Variants in SLIT1 observed in about 807,000 individuals in gnomAD.
SLIT1 encodes slit guidance ligand 1, also known as slit homolog 1 protein.
A neutral mutation model predicts 186.1 loss-of-function variants in SLIT1; 66 were observed. The observed-to-expected ratio is 0.35, with a 90% confidence interval of 0.29 to 0.44. The LOEUF is 0.44. Ranked by LOEUF, SLIT1 falls within the 20% of genes least tolerant of loss-of-function variation. The pLI is 1.00. For missense variants in SLIT1, 1,638 were observed against 2,037.4 expected (o/e 0.80, Z 3.77); for synonymous variants, 761 against 833.8 (o/e 0.91, Z 1.50).
chr10:97,093,975 GA>G (rs1849260056), intron 4 of SLIT1, among the ~76,000 whole-genome samples: 1 of 152,232 alleles, frequency 6.6e-6, no homozygotes, highest in African/African-American at 2.4e-5. Context: ...AGAAATGGCT[GA>G]AATGTGAGTG....
intron 4 of SLIT1, among the ~76,000 whole-genome samples, chr10:97,143,709 C>T (rs930940479): frequency 6.6e-6 from 1 of 152,130 alleles, no homozygotes; most frequent in African/African-American, 2.4e-5. Context: ...GGAGCAGAAC[C>T]GAGTTGCAGA....
At chr10:97,165,763 G>A (rs1274303828) in intron 1 of SLIT1, among the ~76,000 whole-genome samples, 1 of 152,090 alleles carries the variant, frequency 6.6e-6, no homozygotes, top group Non-Finnish European at 1.5e-5. Context: ...TCCAGGAAGC[G>A]AGGCCACCCC....
At chr10:97,064,778 C>G in intron 6 of SLIT1, 27 bp downstream of exon 6, 5 of 1,577,804 alleles carry the variant, frequency 3.2e-6, no homozygotes, top group Non-Finnish European at 4.3e-6. Context: ...CTCCACACCC[C>G]TCCTTCCTTT....
chr10:97,157,794 C>T, intron 4 of SLIT1, 24 bp downstream of exon 4: 1 of 1,595,610 alleles, frequency 6.3e-7, no homozygotes, highest in Admixed American at 1.7e-5. Flanking sequence ...AGGGAGAACT[C>T]TCTGGCCACA....
At chr10:97,078,434 C>T (rs977124002) in intron 4 of SLIT1, among the ~76,000 whole-genome samples, 2 of 152,142 alleles carry the variant, frequency 1.3e-5, no homozygotes, top group African/African-American at 4.8e-5. Flanking sequence ...CTTGAATGGC[C>T]GCAACATAAA....
rs1205454312 is a variant in SLIT1, at chr10:96,998,795, C to T, written c.*2317G>A. On this transcript the variant is annotated 3_prime_UTR_variant, in exon 37 of 37. Transcript: ENST00000266058. ...GCCGGTCAGGGGAGCCTTAAGCTCA[C>T]ATGGTGCTCCCTAGGAACAAACATG... is the stretch of plus-strand genomic sequence containing the variant. 3 of 152,550 alleles carry T rather than the reference C, an allele frequency of 2.0e-5. No individual in the cohort carries two copies. In the East Asian group the frequency reaches 5.8e-4, roughly 29 times the overall value. 9.4% of individuals were successfully genotyped at this position (152,550 alleles called of 1,614,324 possible). A position where few individuals can be genotyped will look rare whatever the true frequency, so the allele number is the denominator to read the frequency against.
intron 18 of SLIT1, among the ~76,000 whole-genome samples, chr10:97,044,848 T>G (rs928003477): frequency 6.6e-6 from 1 of 152,234 alleles, no homozygotes; most frequent in African/African-American, 2.4e-5. Context: ...TGTCACAGAA[T>G]GAATGTGATC....
intron 4 of SLIT1, among the ~76,000 whole-genome samples, chr10:97,121,887 C>T (rs941903630): frequency 5.3e-5 from 8 of 152,150 alleles, no homozygotes; most frequent in Admixed American, 2.0e-4. Flanking sequence ...TTATTGAGCA[C>T]GCGCTACCTG....
intron 30 of SLIT1, 41 bp downstream of exon 30, chr10:97,013,700 G>C (rs1460195821): frequency 2.8e-6 from 4 of 1,425,878 alleles, no homozygotes; most frequent in Non-Finnish European, 3.9e-6. Flanking sequence ...TGACTCAGGG[G>C]CCTGAGCTCC....
intron 23 of SLIT1, among the ~76,000 whole-genome samples, chr10:97,033,681 T>C (rs543753411): frequency 6.6e-6 from 1 of 152,224 alleles, no homozygotes; most frequent in South Asian, 2.1e-4. Context: ...ATGATTCCAC[T>C]TGAACAAAGT....
At chr10:97,019,987 T>C (rs367685012) in intron 26 of SLIT1, among the ~76,000 whole-genome samples, 5 of 152,154 alleles carry the variant, frequency 3.3e-5, no homozygotes, top group African/African-American at 9.6e-5. Flanking sequence ...CCTTTATTTT[T>C]TTTTTTAGAC....
intron 23 of SLIT1, among the ~76,000 whole-genome samples, 169 bp downstream of exon 23, chr10:97,034,302 A>G (rs12773465): frequency 0.12 from 18,115 of 152,238 alleles, 1,174 homozygotes; most frequent in African/African-American, 0.15. Context: ...GTATTTCACA[A>G]TGAAAGATGT....
At chr10:97,135,511 G>A (rs1381140594) in intron 4 of SLIT1, among the ~76,000 whole-genome samples, 3 of 152,194 alleles carry the variant, frequency 2.0e-5, no homozygotes, top group Non-Finnish European at 4.4e-5. Flanking sequence ...ACAAGGGGAA[G>A]TGGGGCAAGC....
At chr10:97,122,024 G>T (rs142485503) in intron 4 of SLIT1, among the ~76,000 whole-genome samples, 1 of 152,334 alleles carries the variant, frequency 6.6e-6, no homozygotes, top group East Asian at 1.9e-4. Flanking sequence ...TTGAGCCACT[G>T]CCCGCAGTCA....
At chr10:97,137,769 A>C (rs919522290) in intron 4 of SLIT1, among the ~76,000 whole-genome samples, 1 of 152,056 alleles carries the variant, frequency 6.6e-6, no homozygotes, top group African/African-American at 2.4e-5. Context: ...TATTTTCTGT[A>C]GAGACGGGGT....
intron 23 of SLIT1, among the ~76,000 whole-genome samples, chr10:97,033,652 AC>A (rs1848611180): frequency 6.6e-6 from 1 of 152,228 alleles, no homozygotes; most frequent in African/African-American, 2.4e-5. Flanking sequence ...GAAGCCAGAT[AC>A]AAAAGACTAT....
chr10:97,035,167 C>A (rs1014642358), intron 22 of SLIT1, among the ~76,000 whole-genome samples: 1 of 152,186 alleles, frequency 6.6e-6, no homozygotes, highest in Non-Finnish European at 1.5e-5. Flanking sequence ...CCTCCGCTCC[C>A]GACTGTCTTT....
At chr10:97,103,013 G>A (rs1849375697) in intron 4 of SLIT1, 1 of 152,248 alleles carries the variant, frequency 6.6e-6, no homozygotes, top group South Asian at 2.1e-4. Context: ...TACTCTAAGG[G>A]AGGCAGATCT....
rs1849462448 is a variant in SLIT1 at position 97,111,334 on chromosome 10, T to C, written c.414-45248A>G. Among the ~76,000 whole-genome samples the C allele has an allele frequency of 2.0e-5, 3 of 151,988 alleles. No homozygotes were observed. The South Asian group carries it at 6.2e-4, about 32-fold the overall frequency. ...AACCACAGAGACAAATGAACAACAA[T>C]AATAGCTGTATTCACTGAGTGTCCA... On this transcript the variant is annotated intron_variant, in intron 4 of 36. Coordinates refer to ENST00000266058, the MANE Select transcript of SLIT1 (RefSeq NM_003061.3).
Sources: allele counts gnomAD v4.1 joint callset (sites outside exome capture counted in the v4.1 genomes callset), GRCh38; gene constraint gnomAD v4.1.1; transcripts MANE v1.5; gene names NCBI Gene and HGNC (gene_info 2026-07-23, HGNC 2026-07-21).